The following CCPG1 variants were observed in gnomAD, a reference collection of about 807,000 sequenced individuals.
The protein encoded by CCPG1 is cell cycle progression 1, also known as cell cycle progression protein 1.
In CCPG1, 46 loss-of-function variants were observed where a neutral mutation model predicts 81.3. That is an observed-to-expected ratio of 0.57 (90% CI 0.45 to 0.72). The LOEUF (loss-of-function observed/expected upper bound fraction) is 0.72. CCPG1 is among the 30% of genes least tolerant of loss of function. CCPG1 has a pLI of 0.00. For missense variants in CCPG1, 902 were observed against 937.6 expected (o/e 0.96, Z 0.50); for synonymous variants, 330 against 305.2 (o/e 1.08, Z -0.85).
chr15:55,397,925 C>T (rs1015942953), intron 1 of CCPG1, among the ~76,000 whole-genome samples: 1 of 151,394 alleles, frequency 6.6e-6, no homozygotes, highest in African/African-American at 2.4e-5. Context: ...TGCAGTGAGC[C>T]GAGACTATGC....
At chr15:55,377,619 G>A (rs2141282686) in intron 4 of CCPG1, among the ~76,000 whole-genome samples, 2 of 152,362 alleles carry the variant, frequency 1.3e-5, no homozygotes, top group South Asian at 4.1e-4. Flanking sequence ...TCGCCAATGT[G>A]ATAGTACTAA....
chr15:55,358,702 T>G (rs1449561919), intron 8 of CCPG1: 1 of 985,318 alleles, frequency 1.0e-6, no homozygotes, highest in African/African-American at 1.7e-5. Flanking sequence ...CCCCATACCT[T>G]AATTTCATTT....
intron 1 of CCPG1, among the ~76,000 whole-genome samples, chr15:55,398,019 T>G (rs2057055739): frequency 6.6e-6 from 1 of 151,992 alleles, no homozygotes; most frequent in Non-Finnish European, 1.5e-5. Flanking sequence ...CAAATTGGTT[T>G]GGGGCATTTT....
At chr15:55,387,229 G>A (rs2056818482) in intron 2 of CCPG1, among the ~76,000 whole-genome samples, 1 of 152,216 alleles carries the variant, frequency 6.6e-6, no homozygotes, top group Non-Finnish European at 1.5e-5. Context: ...CTGAGTGCCA[G>A]ACAGAGGTCT....
intron 7 of CCPG1, among the ~76,000 whole-genome samples, chr15:55,362,541 G>C (rs2056224480): frequency 6.6e-6 from 1 of 152,202 alleles, no homozygotes. Flanking sequence ...GGACTGTGGA[G>C]TAGAAGAGAC....
chr15:55,391,825 C>A (rs1344298609), intron 1 of CCPG1, among the ~76,000 whole-genome samples: 2 of 140,122 alleles, frequency 1.4e-5, no homozygotes, highest in African/African-American at 5.4e-5. Context: ...TGCCTGTGAA[C>A]TGCCATTGCA....
chr15:55,367,100 T>A (rs188830763), intron 6 of CCPG1, among the ~76,000 whole-genome samples: 1 of 152,360 alleles, frequency 6.6e-6, no homozygotes, highest in Admixed American at 6.5e-5. Flanking sequence ...CTAGCTATGA[T>A]ATTCTGTGTT....
intron 1 of CCPG1, among the ~76,000 whole-genome samples, chr15:55,394,555 A>G (rs1359512771): frequency 6.6e-6 from 1 of 152,132 alleles, no homozygotes; most frequent in Non-Finnish European, 1.5e-5. Flanking sequence ...ACTTGGGACA[A>G]CTTACCATAC....
At chr15:55,372,165 C>T in intron 5 of CCPG1, 121 bp from the exon 6 acceptor site, 3 of 904,798 alleles carry the variant, frequency 3.3e-6, no homozygotes, top group East Asian at 2.6e-5. Flanking sequence ...TAGCCAAAAA[C>T]AAAAACCAAA....
Position 55,359,881 on chromosome 15 carries a change from C to T in CCPG1, c.1892G>A (p.Gly631Asp). 1.2e-6 allele frequency: 2 copies of T among 1,613,794 alleles called. No homozygotes were observed. The highest frequency in any genetic ancestry group is 1.1e-5 in the South Asian group (1 of 91,074). Residue 631 changes from glycine (G) to aspartate (D), a missense_variant, in exon 8 of 9, where the codon GGT becomes GAT. By Grantham distance (94) the Gly-to-Asp change is moderately conservative. Coordinates refer to ENST00000442196, the MANE Select transcript of CCPG1 (RefSeq NM_001204450.2). ...NSHSFRKACSGVFDCAQQESM... is the reference protein window; with the variant it reads ...NSHSFRKACSDVFDCAQQESM... ...CTCTTGTTGAGCACAATCAAATACACCAGAACAAGCCTTTCTGAAAGAATG... is the reference window on the plus strand; with the variant it reads ...CTCTTGTTGAGCACAATCAAATACATCAGAACAAGCCTTTCTGAAAGAATG...
chr15:55,363,616 G>A (rs1219553548), intron 7 of CCPG1, among the ~76,000 whole-genome samples: 1 of 150,380 alleles, frequency 6.6e-6, no homozygotes, highest in Non-Finnish European at 1.5e-5. Flanking sequence ...GCTAGGCAGG[G>A]TCTGGCCTGG....
intron 8 of CCPG1, chr15:55,358,861 T>G: frequency 4.1e-6 from 4 of 970,286 alleles, no homozygotes; most frequent in Non-Finnish European, 4.9e-6. Context: ...CACATTATAT[T>G]TATTCAGAAA....
intron 3 of CCPG1, among the ~76,000 whole-genome samples, chr15:55,379,521 T>C (rs764865159): frequency 5.3e-5 from 8 of 151,856 alleles, no homozygotes; most frequent in African/African-American, 1.9e-4. Flanking sequence ...AGTGTGACTA[T>C]GTCTCAAAAA....
In CCPG1 at chr15:55,356,028, A is replaced by G. The variant is rs1016763528; in HGVS notation, c.*192T>C. On this transcript the variant is annotated 3_prime_UTR_variant, in exon 9 of 9. Coordinates refer to ENST00000442196, the MANE Select transcript of CCPG1 (RefSeq NM_001204450.2). ...GTGTCAAAAAAAATTCAACGAAGCT[A>G]AACTACAGGAAAATGCAGGTTAGTA... The G allele has an allele frequency of 7.5e-6, 4 of 532,174 alleles. No homozygotes were observed. The highest frequency in any genetic ancestry group is 4.0e-5 in the African/African-American group (2 of 49,936). 33.0% of individuals were successfully genotyped at this position (532,174 alleles called of 1,614,324 possible). A position where few individuals can be genotyped will look rare whatever the true frequency, so the allele number is the denominator to read the frequency against.
At position 55,364,091 on chromosome 15, in the gene CCPG1, G is replaced by A. The variant is rs925077946; in HGVS notation, c.828+1097C>T. On this transcript the variant is annotated intron_variant, in intron 7 of 8. Coordinates refer to ENST00000442196, the MANE Select transcript of CCPG1 (RefSeq NM_001204450.2). The stretch of plus-strand genomic sequence containing the variant: ...GGTTACCAACTTTGGGAATTTGGGA[G>A]GTTGCCACCACACCCAGACATAGCT... 3.3e-5 allele frequency among the ~76,000 whole-genome samples: 5 copies of A among 150,202 alleles called. 1 individual carries two copies. In the East Asian group the frequency reaches 8.1e-4, roughly 24 times the overall value.
intron 1 of CCPG1, among the ~76,000 whole-genome samples, chr15:55,406,436 C>CTTTTTT (rs143238270): frequency 8.0e-4 from 101 of 126,270 alleles, no homozygotes; most frequent in Non-Finnish European, 1.1e-3. Flanking sequence ...TTCTTTTTCT[C>CTTTTTT]TTTTTTTTTT....
chr15:55,369,163 G>A (rs935059518), intron 6 of CCPG1, among the ~76,000 whole-genome samples: 5 of 151,678 alleles, frequency 3.3e-5, no homozygotes, highest in South Asian at 2.1e-4. Flanking sequence ...TGCAATGACC[G>A]ACTTTACGGT....
chr15:55,380,139 A>G (rs886315744), intron 3 of CCPG1, among the ~76,000 whole-genome samples: 1 of 151,704 alleles, frequency 6.6e-6, no homozygotes, highest in Admixed American at 6.6e-5. Context: ...AATATTAAGA[A>G]AAGTTAAAAA....
At chr15:55,397,245 A>C (rs1377280643) in intron 1 of CCPG1, among the ~76,000 whole-genome samples, 1 of 152,080 alleles carries the variant, frequency 6.6e-6, no homozygotes, top group Non-Finnish European at 1.5e-5. Context: ...AAAACCCACA[A>C]GATAATAAAC....
Sources: allele counts gnomAD v4.1 joint callset (sites outside exome capture counted in the v4.1 genomes callset), GRCh38; gene constraint gnomAD v4.1.1; transcripts MANE v1.5; gene names NCBI Gene and HGNC (gene_info 2026-07-23, HGNC 2026-07-21).